TMPO: variants seen among roughly 807,000 people sequenced by gnomAD.
The protein encoded by TMPO is LEM domain containing 4.
A neutral mutation model predicts 45.4 loss-of-function variants in TMPO; 22 were observed. That is an observed-to-expected ratio of 0.48 (90% CI 0.35 to 0.69). TMPO has a LOEUF of 0.69. Ranked by LOEUF, TMPO falls within the 30% of genes least tolerant of loss-of-function variation. The pLI is 0.01. For synonymous variants in TMPO, 241 were observed against 204.1 expected (o/e 1.18, Z -1.54); for missense variants, 512 against 548.8 (o/e 0.93, Z 0.67).
At chr12:98,532,274 A>G (rs539179665) in intron 3 of TMPO, 203 of 164,036 alleles carry the variant, frequency 1.2e-3, no homozygotes, top group African/African-American at 4.1e-3. Flanking sequence ...AATTTATATA[A>G]ACAGTATGCT....
Position 98,533,854 on chromosome 12 carries a change from G to A in TMPO, c.565+2016G>A, listed in dbSNP as rs1877382536. The A allele has an allele frequency of 6.2e-7, 1 of 1,614,100 alleles. No homozygotes were observed. The highest frequency in any genetic ancestry group is 1.3e-5 in the African/African-American group (1 of 74,924). Reference sequence around the variant, plus strand: ...CAGGGAGGCAACACAGATATTATCAGTTCCAAAAGTAGATGATGAAATCCT... The same window carrying A: ...CAGGGAGGCAACACAGATATTATCAATTCCAAAAGTAGATGATGAAATCCT... On this transcript the variant is annotated intron_variant, in intron 3 of 8. Transcript: ENST00000556029.
At chr12:98,521,999 G>A (rs570061336) in intron 1 of TMPO, among the ~76,000 whole-genome samples, 24 of 152,072 alleles carry the variant, frequency 1.6e-4, no homozygotes, top group South Asian at 2.1e-4. Context: ...TAAAGTACTG[G>A]GATTACAGGC....
Position 98,527,902 on chromosome 12 carries a change from C to A in TMPO, c.296C>A (p.Thr99Asn). Residue 99 changes from threonine to asparagine, a missense_variant, in exon 2 of 9, where the codon ACT (threonine) becomes AAT (asparagine). By Grantham distance (65) the Thr-to-Asn change is moderately conservative. Around this residue, in one of 3 missense-constraint regions of TMPO, gnomAD observed 299 missense variants for 296.7 expected, o/e 1.01. Coordinates refer to ENST00000556029, the MANE Select transcript of TMPO (RefSeq NM_001032283.3). Reference sequence around the variant, plus strand: ...TGTTTACAGAAAGCCACAAAAAAAACTGATAAACCCAGACAAGAAGATAAA... The same window carrying A: ...TGTTTACAGAAAGCCACAAAAAAAAATGATAAACCCAGACAAGAAGATAAA... ...AAVGRKATKK[T>N]DKPRQEDKDD... 1 of 1,613,664 alleles carries A rather than the reference C, an allele frequency of 6.2e-7. No homozygotes were observed. Among genetic ancestry groups the A allele is most frequent in the Non-Finnish European group, 8.5e-7 (1 of 1,179,804 alleles).
At chr12:98,531,235 C>CTTTTTTT (rs1228236045) in intron 2 of TMPO, among the ~76,000 whole-genome samples, 1 of 111,082 alleles carries the variant, frequency 9.0e-6, no homozygotes, top group Non-Finnish European at 1.8e-5. Flanking sequence ...CCACCACGTC[C>CTTTTTTT]TTTTTTTTTT....
chr12:98,535,550 CCTA>C, intron 3 of TMPO: 4 of 985,228 alleles, frequency 4.1e-6, no homozygotes, highest in Non-Finnish European at 4.8e-6. Context: ...TATACATGTA[CCTA>C]CTGAGTGCTA....
chr12:98,547,747 G>T lies in TMPO; in HGVS notation c.1254G>T (p.Leu418Phe), dbSNP rs757741197. 6.2e-7 allele frequency: 1 copy of T among 1,614,030 alleles called. No individual in the cohort carries two copies. Among genetic ancestry groups the T allele is most frequent in the African/African-American group, 1.3e-5 (1 of 74,914 alleles). ...CCATTCCCGTATGGATAAAAATTTT[G>T]CTGTTTGTTGTTGTGGCAGTTTTTT... Reference protein sequence around the residue: ...GRSIPVWIKILLFVVVAVFLF... With the variant: ...GRSIPVWIKIFLFVVVAVFLF... Residue 418 changes from leucine to phenylalanine, a missense_variant, in exon 9 of 9, where the codon TTG becomes TTT. Physicochemically the swap from Leu to Phe is conservative, Grantham distance 22. Transcript: ENST00000556029.
At chr12:98,524,326 C>T (rs978196092) in intron 1 of TMPO, among the ~76,000 whole-genome samples, 3 of 152,182 alleles carry the variant, frequency 2.0e-5, no homozygotes, top group Non-Finnish European at 4.4e-5. Context: ...GTAATCCCAG[C>T]ACTTTGGAAG....
intron 2 of TMPO, among the ~76,000 whole-genome samples, chr12:98,529,706 G>A (rs375146813): frequency 2.0e-5 from 3 of 151,882 alleles, no homozygotes; most frequent in South Asian, 2.1e-4. Flanking sequence ...ACACAGGCAC[G>A]TGCCACCATT....
At chr12:98,527,821 A>G in intron 1 of TMPO, 65 bp from the exon 2 acceptor site, 1 of 1,585,924 alleles carries the variant, frequency 6.3e-7, no homozygotes, top group Non-Finnish European at 8.6e-7. Context: ...TATGTTATAC[A>G]GGTTATTATC....
chr12:98,533,021 C>T lies in TMPO; in HGVS notation c.565+1183C>T, dbSNP rs762263378. 17 of 1,613,562 alleles carry T rather than the reference C, an allele frequency of 1.1e-5. No individual in the cohort carries two copies. Among genetic ancestry groups the T allele is most frequent in the Middle Eastern group, 1.6e-4 (1 of 6,084 alleles). On this transcript the variant is annotated intron_variant, in intron 3 of 8. Coordinates refer to ENST00000556029, the MANE Select transcript of TMPO (RefSeq NM_001032283.3). ...TCTAAGGGAGACCTACCTAGGGAGC[C>T]TCTTGTTGCCACAAACTTGCCTGGC...
chr12:98,528,134 A>G lies in TMPO; in HGVS notation c.406+122A>G. The G allele has an allele frequency of 2.7e-6, 3 of 1,106,846 alleles. No individual in the cohort carries two copies. In the Admixed American group the frequency reaches 5.8e-5, roughly 21 times the overall value. 68.6% of individuals were successfully genotyped at this position (1,106,846 alleles called of 1,614,324 possible). On this transcript the variant is annotated intron_variant, in intron 2 of 8. Coordinates refer to ENST00000556029, the MANE Select transcript of TMPO (RefSeq NM_001032283.3). ...GGTTTGTCATTAATCATTTGTTATCAGCAGAACCTGTGTTTCTTTGACTGT... is the reference window on the plus strand; with the variant it reads ...GGTTTGTCATTAATCATTTGTTATCGGCAGAACCTGTGTTTCTTTGACTGT...
intron 2 of TMPO, 27 bp from the exon 3 acceptor site, chr12:98,531,653 A>C (rs1380867759): frequency 6.2e-7 from 1 of 1,611,250 alleles, no homozygotes; most frequent in Non-Finnish European, 8.5e-7. Context: ...CAATACAGGT[A>C]CTAAAGCAAG....
At chr12:98,546,028 C>T (rs1314680290) in intron 7 of TMPO, among the ~76,000 whole-genome samples, 2 of 152,260 alleles carry the variant, frequency 1.3e-5, no homozygotes, top group East Asian at 1.9e-4. Context: ...CCACCGTACC[C>T]GGCCCAACAA....
At chr12:98,547,536 A>G (rs574441243) in intron 8 of TMPO, 37 bp from the exon 9 acceptor site, 8 of 1,613,032 alleles carry the variant, frequency 5.0e-6, no homozygotes, top group South Asian at 1.1e-5. Flanking sequence ...GCCTTTATCT[A>G]AAATTATTTT....
chr12:98,534,355 C>T, intron 3 of TMPO: 2 of 1,610,200 alleles, frequency 1.2e-6, no homozygotes, highest in Non-Finnish European at 1.7e-6. Context: ...AAATTAAGGA[C>T]AAAAAGACAT....
intron 4 of TMPO, among the ~76,000 whole-genome samples, chr12:98,538,422 T>C (rs944331201): frequency 2.6e-5 from 4 of 152,108 alleles, no homozygotes; most frequent in Non-Finnish European, 5.9e-5. Flanking sequence ...CGTGATCCCA[T>C]CTCATTGCAA....
At chr12:98,528,191 T>C (rs564130654) in intron 2 of TMPO, among the ~76,000 whole-genome samples, 179 bp downstream of exon 2, 36 of 152,220 alleles carry the variant, frequency 2.4e-4, no homozygotes, top group Non-Finnish European at 5.1e-4. Context: ...AGGATTGAAT[T>C]AGATAATCTC....
intron 1 of TMPO, among the ~76,000 whole-genome samples, chr12:98,520,981 A>G (rs1294709839): frequency 2.0e-5 from 3 of 152,028 alleles, no homozygotes; most frequent in Non-Finnish European, 4.4e-5. Flanking sequence ...ATTATGTTTG[A>G]GAGTTGCAGA....
In TMPO at chr12:98,534,139, A is replaced by G. The variant is rs765153747; in HGVS notation, c.565+2301A>G. The G allele has an allele frequency of 5.8e-5, 93 of 1,613,812 alleles. No homozygotes were observed. The highest frequency in any genetic ancestry group is 1.6e-4 in the Middle Eastern group (1 of 6,082). On this transcript the variant is annotated intron_variant, in intron 3 of 8. Transcript: ENST00000556029. ...CAAAACATATGATGCAGCCTCATATATTTGTGAAGCTGCATTTGATGAAGT... is the reference window on the plus strand; with the variant it reads ...CAAAACATATGATGCAGCCTCATATGTTTGTGAAGCTGCATTTGATGAAGT...
Sources: allele counts gnomAD v4.1 joint callset (sites outside exome capture counted in the v4.1 genomes callset), GRCh38; gene constraint gnomAD v4.1.1; regional missense constraint gnomAD v4.1.1; transcripts MANE v1.5; gene names NCBI Gene and HGNC (gene_info 2026-07-23, HGNC 2026-07-21).